The following RNF38 variants were observed in gnomAD, a reference collection of about 807,000 sequenced individuals.
RNF38 encodes the protein E3 ubiquitin-protein ligase RNF38.
A neutral mutation model predicts 67.2 loss-of-function variants in RNF38; 15 were observed. That is an observed-to-expected ratio of 0.22 (90% CI 0.15 to 0.34). RNF38 has a LOEUF of 0.34. Ranked by LOEUF, RNF38 falls within the 10% of genes least tolerant of loss-of-function variation. The pLI is 1.00. For synonymous variants in RNF38, 220 were observed against 218.8 expected (o/e 1.01, Z -0.05); for missense variants, 524 against 639.9 (o/e 0.82, Z 1.95).
intron 1 of RNF38, among the ~76,000 whole-genome samples, chr9:36,462,104 C>T (rs1323873488): frequency 6.6e-6 from 1 of 152,118 alleles, no homozygotes; most frequent in African/African-American, 2.4e-5. Context: ...GGATAAATTA[C>T]GTGGATAACT....
At chr9:36,422,683 A>T (rs937908727) in intron 2 of RNF38, among the ~76,000 whole-genome samples, 1 of 152,128 alleles carries the variant, frequency 6.6e-6, no homozygotes, top group African/African-American at 2.4e-5. Flanking sequence ...CAATATATAC[A>T]TGGTAGGCAG....
intron 2 of RNF38, among the ~76,000 whole-genome samples, chr9:36,421,388 G>C (rs1174822699): frequency 3.9e-5 from 6 of 152,146 alleles, no homozygotes; most frequent in Non-Finnish European, 7.3e-5. Flanking sequence ...TTGGGGCCAG[G>C]CATGGTGGCT....
chr9:36,471,883 G>A (rs912421747), intron 1 of RNF38, among the ~76,000 whole-genome samples: 3 of 152,080 alleles, frequency 2.0e-5, no homozygotes, highest in Non-Finnish European at 2.9e-5. Flanking sequence ...GTGAGCCACC[G>A]CATCCAATTT....
chr9:36,400,439 G>A (rs1837927351), upstream of RNF38: 2 of 1,077,980 alleles, frequency 1.9e-6, no homozygotes, highest in South Asian at 7.3e-5. Context: ...AACAAAGAGC[G>A]CCGGGCGGCC....
At chr9:36,439,670 T>TG (rs1839149444) in intron 1 of RNF38, among the ~76,000 whole-genome samples, 1 of 151,356 alleles carries the variant, frequency 6.6e-6, no homozygotes, top group Non-Finnish European at 1.5e-5. Context: ...CCGGGCATGG[T>TG]GGCACACACC....
At chr9:36,343,438 G>A (rs1347852977) in intron 10 of RNF38, among the ~76,000 whole-genome samples, 1 of 152,096 alleles carries the variant, frequency 6.6e-6, no homozygotes, top group Non-Finnish European at 1.5e-5. Context: ...TATGGAAAAT[G>A]AAGCAAGGAT....
intron 1 of RNF38, among the ~76,000 whole-genome samples, chr9:36,434,032 T>C (rs888170547): frequency 6.6e-5 from 10 of 151,712 alleles, no homozygotes; most frequent in African/African-American, 2.2e-4. Flanking sequence ...GGTAAGGAGA[T>C]GGAGACCATC....
At chr9:36,409,337 G>GAAAGAAAGAAAA in intron 2 of RNF38, among the ~76,000 whole-genome samples, 1 of 148,442 alleles carries the variant, frequency 6.7e-6, no homozygotes, top group South Asian at 2.2e-4. Context: ...AAGAAAGAAA[G>GAAAGAAAGAAAA]AAAGAAAGAA....
Position 36,484,681 on chromosome 9 carries a change from A to C in RNF38, n.241+2627T>G, listed in dbSNP as rs573494529. Among the ~76,000 whole-genome samples, 59 of 152,266 alleles carry C rather than the reference A, an allele frequency of 3.9e-4. 1 individual carries two copies. Among genetic ancestry groups the C allele is most frequent in the East Asian group, 3.3e-3 (17 of 5,190 alleles). ...TTAATATGCATAATTTAATACTATCACCACATATGGGCATAGCCACAAACA... is the reference window on the plus strand; with the variant it reads ...TTAATATGCATAATTTAATACTATCCCCACATATGGGCATAGCCACAAACA... On this transcript the variant is annotated intron_variant and non_coding_transcript_variant, in intron 1 of 3. Coordinates refer to the RNF38 transcript ENST00000488058.
At chr9:36,477,482 C>T (rs1840147335) in intron 1 of RNF38, among the ~76,000 whole-genome samples, 1 of 151,890 alleles carries the variant, frequency 6.6e-6, no homozygotes, top group Admixed American at 6.6e-5. Context: ...TCGAGACCAG[C>T]CTAGGCAACA....
At chr9:36,420,929 A>G (rs1294236375) in intron 2 of RNF38, among the ~76,000 whole-genome samples, 1 of 131,240 alleles carries the variant, frequency 7.6e-6, no homozygotes, top group Non-Finnish European at 1.7e-5. Flanking sequence ...ACTATAAACT[A>G]TAAACAGATA....
chr9:36,437,156 G>A (rs1839090304), intron 1 of RNF38, among the ~76,000 whole-genome samples: 3 of 152,204 alleles, frequency 2.0e-5, no homozygotes, highest in Non-Finnish European at 2.9e-5. Flanking sequence ...CACTGCAGCT[G>A]AGCAAGGCAG....
intron 3 of RNF38, among the ~76,000 whole-genome samples, chr9:36,374,085 T>G (rs1422497668): frequency 6.6e-6 from 1 of 152,262 alleles, no homozygotes; most frequent in East Asian, 1.9e-4. Context: ...TACTTTCTCA[T>G]GCTTATTATA....
In RNF38 at chr9:36,471,389, T is replaced by C. The variant is rs138166736; in HGVS notation, n.241+15919A>G. Reference sequence around the variant, plus strand: ...AGCATTGGGAAAAATAATATAACTATTCTACCAAATTTCAAAAGGAAACAT... The same window carrying C: ...AGCATTGGGAAAAATAATATAACTACTCTACCAAATTTCAAAAGGAAACAT... On this transcript the variant is annotated intron_variant and non_coding_transcript_variant, in intron 1 of 3. Coordinates refer to the RNF38 transcript ENST00000488058. 1.8e-3 allele frequency among the ~76,000 whole-genome samples: 277 copies of C among 152,352 alleles called. 4 individuals carry two copies. Among genetic ancestry groups the C allele is most frequent in the Middle Eastern group, 0.014 (4 of 294 alleles).
At chr9:36,483,010 T>C (rs1840313989) in intron 1 of RNF38, among the ~76,000 whole-genome samples, 1 of 152,206 alleles carries the variant, frequency 6.6e-6, no homozygotes, top group African/African-American at 2.4e-5. Context: ...GAGTACAGAA[T>C]AGATTTCCAC....
At chr9:36,385,356 T>G (rs915524245) in intron 2 of RNF38, among the ~76,000 whole-genome samples, 1 of 150,170 alleles carries the variant, frequency 6.7e-6, no homozygotes, top group Non-Finnish European at 1.5e-5. Context: ...TTTGGTGGTC[T>G]GCTGCTGGTC....
intron 4 of RNF38, among the ~76,000 whole-genome samples, chr9:36,366,809 T>A (rs1031196031): frequency 2.0e-5 from 3 of 152,220 alleles, no homozygotes; most frequent in Non-Finnish European, 2.9e-5. Flanking sequence ...TAGCCCTTTT[T>A]AAGTCATGTA....
intron 3 of RNF38, 57 bp from the exon 4 acceptor site, chr9:36,369,989 G>A: frequency 7.1e-7 from 1 of 1,408,546 alleles, no homozygotes; most frequent in Non-Finnish European, 9.8e-7. Context: ...TCAGGATTCT[G>A]TATTGTCTTT....
In RNF38 at chr9:36,351,208, A is replaced by G. The variant is rs759992080; in HGVS notation, c.1179-9T>C. On this transcript the variant is annotated splice_polypyrimidine_tract_variant and intron_variant, in intron 8 of 11. Coordinates refer to ENST00000259605, the MANE Select transcript of RNF38 (RefSeq NM_022781.5). The stretch of plus-strand genomic sequence containing the variant: ...GCACTGGAAGCATTGATCTGCAGTG[A>G]AAACAATCACACTAGCATTGATATG... 2.5e-6 allele frequency: 4 copies of G among 1,597,586 alleles called. No individual in the cohort carries two copies. The highest frequency in any genetic ancestry group is 2.2e-5 in the South Asian group (2 of 90,148).
Sources: allele counts gnomAD v4.1 joint callset (sites outside exome capture counted in the v4.1 genomes callset), GRCh38; gene constraint gnomAD v4.1.1; transcripts MANE v1.5; gene names NCBI Gene and HGNC (gene_info 2026-07-23, HGNC 2026-07-21).